Variants in SYNPR observed in about 807,000 individuals in gnomAD.
SYNPR encodes the protein synaptoporin.
A neutral mutation model predicts 32.9 loss-of-function variants in SYNPR; 23 were observed. The observed-to-expected ratio is 0.70, with a 90% CI of 0.50 to 0.99. The LOEUF is 0.99. Among genes scored for constraint, SYNPR ranks in the 50% least tolerant of loss-of-function variants. The pLI is 0.00. For synonymous variants in SYNPR, 146 were observed against 135.9 expected, an observed-to-expected ratio of 1.07 and a Z score of -0.52; for missense variants, 318 against 349.3, an observed-to-expected ratio of 0.91 and a Z score of 0.71.
chr3:63,242,298 C>A (rs1020636013), intron 1 of SYNPR, among the ~76,000 whole-genome samples: 1 of 151,920 alleles, frequency 6.6e-6, no homozygotes, highest in South Asian at 2.1e-4. Context: ...AGTTGGCATG[C>A]CTGTACCGAG....
At chr3:63,594,500 G>A (rs975719439) in intron 4 of SYNPR, among the ~76,000 whole-genome samples, 1 of 152,024 alleles carries the variant, frequency 6.6e-6, no homozygotes, top group African/African-American at 2.4e-5. Context: ...CCTTCTAAAA[G>A]CAATCGTGTT....
intron 2 of SYNPR, among the ~76,000 whole-genome samples, chr3:63,418,636 A>G (rs1268876734): frequency 6.6e-6 from 1 of 152,224 alleles, no homozygotes; most frequent in Non-Finnish European, 1.5e-5. Context: ...TATGGTGGAA[A>G]ACAAAGAGGA....
At chr3:63,615,125 A>G in intron 5 of SYNPR, 99 bp from the exon 6 acceptor site, 1 of 1,398,612 alleles carries the variant, frequency 7.1e-7, no homozygotes, top group Non-Finnish European at 9.6e-7. Flanking sequence ...CATTAAAGTG[A>G]AAAGTGATCT....
chr3:63,263,758 G>A (rs953136923), intron 2 of SYNPR, among the ~76,000 whole-genome samples: 5 of 152,158 alleles, frequency 3.3e-5, no homozygotes, highest in African/African-American at 9.7e-5. Context: ...TGTGCAGTGG[G>A]TTTCCTAGAA....
At chr3:63,499,613 A>G (rs1371006344) in intron 3 of SYNPR, among the ~76,000 whole-genome samples, 1 of 152,204 alleles carries the variant, frequency 6.6e-6, no homozygotes, top group East Asian at 1.9e-4. Flanking sequence ...GAAGGAAAGT[A>G]TCAGAGGAAC....
At chr3:63,353,424 A>C (rs1042333176) in intron 2 of SYNPR, among the ~76,000 whole-genome samples, 1 of 152,194 alleles carries the variant, frequency 6.6e-6, no homozygotes, top group Non-Finnish European at 1.5e-5. Flanking sequence ...GCTAAATTGG[A>C]AACTCTGACT....
chr3:63,448,055 G>A (rs1241700109), intron 2 of SYNPR, among the ~76,000 whole-genome samples: 4 of 150,836 alleles, frequency 2.7e-5, no homozygotes, highest in Non-Finnish European at 5.9e-5. Context: ...CCAGGCTGGA[G>A]TGCAGTGGTG....
intron 2 of SYNPR, among the ~76,000 whole-genome samples, chr3:63,380,042 A>G (rs2087946259): frequency 6.6e-6 from 1 of 152,180 alleles, no homozygotes; most frequent in South Asian, 2.1e-4. Flanking sequence ...GCTGCATAGT[A>G]TTCCATGGTG....
At chr3:63,241,719 C>A (rs1277205625) in intron 1 of SYNPR, among the ~76,000 whole-genome samples, 3 of 152,044 alleles carry the variant, frequency 2.0e-5, no homozygotes, top group Admixed American at 1.3e-4. Context: ...CAATAACGAG[C>A]CACTCAGTTA....
chr3:63,577,518 G>A (rs990675480), intron 4 of SYNPR, among the ~76,000 whole-genome samples: 1 of 152,098 alleles, frequency 6.6e-6, no homozygotes, highest in Non-Finnish European at 1.5e-5. Flanking sequence ...AGAAAAAAAT[G>A]TGGGCTTCTA....
At chr3:63,400,838 G>A (rs2088280807) in intron 2 of SYNPR, among the ~76,000 whole-genome samples, 1 of 152,194 alleles carries the variant, frequency 6.6e-6, no homozygotes, top group South Asian at 2.1e-4. Context: ...CAAGGATTCT[G>A]TAGGAAGGGG....
intron 4 of SYNPR, among the ~76,000 whole-genome samples, chr3:63,569,062 G>A (rs182692214): frequency 3.3e-5 from 5 of 152,230 alleles, no homozygotes; most frequent in East Asian, 1.9e-4. Flanking sequence ...AGAGTAAGAC[G>A]AAGTAACTCT....
At chr3:63,307,316 G>A (rs1265750670) in intron 2 of SYNPR, among the ~76,000 whole-genome samples, 1 of 151,966 alleles carries the variant, frequency 6.6e-6, no homozygotes, top group Non-Finnish European at 1.5e-5. Context: ...CCTATATTAT[G>A]TTCCCCATCA....
chr3:63,533,511 C>T (rs892240835), intron 3 of SYNPR, among the ~76,000 whole-genome samples: 2 of 152,076 alleles, frequency 1.3e-5, no homozygotes, highest in African/African-American at 4.8e-5. Flanking sequence ...CACCAAGAGT[C>T]CTAAGGTTAC....
rs61299069 is a variant in SYNPR, at chr3:63,606,417, C to CTTTTTT, written c.409-2691_409-2686dup. Among the ~76,000 whole-genome samples the CTTTTTT allele has an allele frequency of 5.5e-3, 373 of 68,236 alleles. 57 individuals carry two copies. Among genetic ancestry groups the CTTTTTT allele is most frequent in the African/African-American group, 0.018 (333 of 18,734 alleles). 44.8% of individuals were successfully genotyped at this position (68,236 alleles called of 152,430 possible). A position where few individuals can be genotyped will look rare whatever the true frequency, so the allele number is the denominator to read the frequency against. On this transcript the variant is annotated intron_variant, in intron 4 of 5. Coordinates refer to ENST00000478300, the MANE Select transcript of SYNPR (RefSeq NM_001130003.2). ...AATTAAGCAGGACCTCAAATCCTTT[C>CTTTTTT]TTTTTTTTTTTTTTTTTTTTTTAGC...
chr3:63,323,558 G>C (rs1034091358), intron 2 of SYNPR, among the ~76,000 whole-genome samples: 5 of 151,594 alleles, frequency 3.3e-5, no homozygotes, highest in Non-Finnish European at 7.4e-5. Context: ...TTTTTTTTTG[G>C]CATTGTTTTT....
At chr3:63,250,520 G>C (rs1438308213) in intron 1 of SYNPR, among the ~76,000 whole-genome samples, 1 of 152,046 alleles carries the variant, frequency 6.6e-6, no homozygotes, top group Non-Finnish European at 1.5e-5. Context: ...GAGCTCTTAC[G>C]AGTCCCAGTT....
At chr3:63,362,083 G>A (rs536934631) in intron 2 of SYNPR, among the ~76,000 whole-genome samples, 1 of 152,200 alleles carries the variant, frequency 6.6e-6, no homozygotes, top group South Asian at 2.1e-4. Context: ...CTTCATACAG[G>A]ACCATTTAAG....
intron 3 of SYNPR, among the ~76,000 whole-genome samples, chr3:63,493,488 A>G (rs959383275): frequency 1.3e-5 from 2 of 151,956 alleles, no homozygotes; most frequent in African/African-American, 4.8e-5. Flanking sequence ...AAGCTCCCCT[A>G]CCTGCATGGT....
Sources: gnomAD v4.1 joint callset for allele counts (sites outside exome capture counted in the v4.1 genomes callset) on GRCh38, gnomAD v4.1.1 for gene constraint, MANE v1.5 for transcripts, NCBI Gene and HGNC (gene_info 2026-07-23, HGNC 2026-07-21) for gene names.